SLC14A2: variants seen among roughly 807,000 people sequenced by gnomAD.
SLC14A2 encodes the protein solute carrier family 14 member 2, also known as urea transporter 2.
A neutral mutation model predicts 104.6 loss-of-function variants in SLC14A2; 91 were observed. The ratio of observed to expected loss-of-function variants is 0.87; its 90% CI spans 0.73 to 1.04. The LOEUF (loss-of-function observed/expected upper bound fraction) is 1.04. Among genes scored for constraint, SLC14A2 ranks in the 50% least tolerant of loss-of-function variants. SLC14A2 has a pLI of 0.00. For synonymous variants in SLC14A2, 476 were observed against 466.4 expected (o/e 1.02, Z -0.27); for missense variants, 1,189 against 1,156.0 (o/e 1.03, Z -0.41).
At chr18:45,263,879 A>G (rs958311869) in intron 1 of SLC14A2, among the ~76,000 whole-genome samples, 2 of 152,182 alleles carry the variant, frequency 1.3e-5, no homozygotes, top group Admixed American at 1.3e-4. Flanking sequence ...CAGGTCTCCA[A>G]GGACACCAAT....
the SLC14A2 span, among the ~76,000 whole-genome samples, chr18:45,189,795 G>C: frequency 6.6e-6 from 1 of 152,244 alleles, no homozygotes; most frequent in Admixed American, 6.5e-5. Context: ...ACCTTTGCTT[G>C]GGTGATAATG....
At position 45,379,672 on chromosome 18, in the gene SLC14A2, A is replaced by G. The variant is rs369268256; in HGVS notation, c.-124-103561A>G. ...TTTAATGAAGCCTAAGAGTACATCA[A>G]CTTTTATCAAAGCTGAATCACTGTT... On this transcript the variant is annotated intron_variant, in intron 1 of 20. Coordinates refer to the SLC14A2 transcript ENST00000586448. 8.5e-5 allele frequency among the ~76,000 whole-genome samples: 13 copies of G among 152,348 alleles called. No homozygotes were observed. In the South Asian group the frequency reaches 1.0e-3, roughly 12 times the overall value.
chr18:45,339,362 G>A (rs1272293776), intron 1 of SLC14A2, among the ~76,000 whole-genome samples: 1 of 152,184 alleles, frequency 6.6e-6, no homozygotes, highest in Non-Finnish European at 1.5e-5. Flanking sequence ...TCTAACATCT[G>A]TTATTCTAAT....
At chr18:45,451,767 T>G (rs537774237) in intron 1 of SLC14A2, among the ~76,000 whole-genome samples, 4 of 152,310 alleles carry the variant, frequency 2.6e-5, no homozygotes, top group African/African-American at 9.6e-5. Flanking sequence ...ACCAGATGAC[T>G]CCTAAATTCC....
rs535735429 is a variant in SLC14A2, at chr18:45,398,040, G to T, written c.-124-85193G>T. Among the ~76,000 whole-genome samples the T allele has an allele frequency of 2.6e-5, 4 of 152,164 alleles. No homozygotes were observed. The South Asian group carries it at 8.3e-4, about 32-fold the overall frequency. On this transcript the variant is annotated intron_variant, in intron 1 of 20. Transcript: ENST00000586448. ...AATATTTATTGAGGGACAACTATAA[G>T]CCAGGAATTTACACATATAATCTCA...
chr18:45,320,702 C>T (rs2085176496), intron 1 of SLC14A2, among the ~76,000 whole-genome samples: 1 of 152,170 alleles, frequency 6.6e-6, no homozygotes, highest in South Asian at 2.1e-4. Flanking sequence ...CAGCCACATT[C>T]CATTGCTTGC....
the SLC14A2 span, among the ~76,000 whole-genome samples, chr18:45,192,934 C>T: frequency 3.9e-5 from 6 of 152,032 alleles, no homozygotes; most frequent in Non-Finnish European, 5.9e-5. Flanking sequence ...GGATTATAGG[C>T]ATGAACCACC....
chr18:45,282,962 G>A (rs1451724426), intron 1 of SLC14A2, among the ~76,000 whole-genome samples: 2 of 152,196 alleles, frequency 1.3e-5, no homozygotes, highest in African/African-American at 4.8e-5. Context: ...CGTAGGGTGT[G>A]AAGACTAGAA....
At chr18:45,605,024 T>C (rs2044845767) in intron 2 of SLC14A2, among the ~76,000 whole-genome samples, 1 of 152,168 alleles carries the variant, frequency 6.6e-6, no homozygotes, top group Non-Finnish European at 1.5e-5. Context: ...TTCTGCACAA[T>C]GAGGCTTCCA....
intron 1 of SLC14A2, among the ~76,000 whole-genome samples, chr18:45,443,653 T>A (rs2086717885): frequency 6.6e-6 from 1 of 152,170 alleles, no homozygotes; most frequent in African/African-American, 2.4e-5. Context: ...GTTTCTGTGA[T>A]CTTCTGTAGG....
intron 1 of SLC14A2, among the ~76,000 whole-genome samples, chr18:45,405,523 T>C (rs2086144317): frequency 6.6e-6 from 1 of 152,220 alleles, no homozygotes; most frequent in Non-Finnish European, 1.5e-5. Context: ...TATTATACTA[T>C]ATTGTAGTCT....
rs116028165 is a variant in SLC14A2 at position 45,297,987 on chromosome 18, A to G, written c.-125+84796A>G. 2.8e-3 allele frequency among the ~76,000 whole-genome samples: 419 copies of G among 152,348 alleles called. 3 individuals are homozygous for G. Among genetic ancestry groups the G allele is most frequent in the African/African-American group, 9.7e-3 (402 of 41,588 alleles). ...AAGTTCACTTTAAAGACAAAGAGGC[A>G]TTTTAAACTTTATGCCTGTGTCTCC... On this transcript the variant is annotated intron_variant, in intron 1 of 20. Transcript: ENST00000586448.
chr18:45,627,381 G>A (rs1435201631), intron 4 of SLC14A2, among the ~76,000 whole-genome samples: 3 of 152,198 alleles, frequency 2.0e-5, no homozygotes, highest in African/African-American at 7.2e-5. Context: ...CTCAGAGGGA[G>A]GTGCAGAGGA....
chr18:45,626,323 G>A (rs1023523623), intron 3 of SLC14A2, among the ~76,000 whole-genome samples: 4 of 151,812 alleles, frequency 2.6e-5, no homozygotes, highest in South Asian at 2.1e-4. Flanking sequence ...TTAACTTCTC[G>A]AACTAAACAC....
chr18:45,672,339 G>A (rs1449037753), intron 16 of SLC14A2, among the ~76,000 whole-genome samples: 3 of 152,164 alleles, frequency 2.0e-5, no homozygotes, highest in Non-Finnish European at 4.4e-5. Flanking sequence ...AGACCAGCCT[G>A]ATCAACATGG....
At chr18:45,558,115 C>A (rs2044155912) in intron 2 of SLC14A2, among the ~76,000 whole-genome samples, 1 of 152,128 alleles carries the variant, frequency 6.6e-6, no homozygotes, top group Non-Finnish European at 1.5e-5. Context: ...TCCTATAGTC[C>A]CTCCTTTCCA....
intron 1 of SLC14A2, among the ~76,000 whole-genome samples, chr18:45,288,961 C>G (rs2084842559): frequency 6.6e-6 from 1 of 152,222 alleles, no homozygotes; most frequent in African/African-American, 2.4e-5. Context: ...CCCCACGGCT[C>G]TTTGCCTGCT....
chr18:45,401,862 G>A (rs776338383), intron 1 of SLC14A2, among the ~76,000 whole-genome samples: 9 of 152,058 alleles, frequency 5.9e-5, no homozygotes, highest in Non-Finnish European at 1.3e-4. Flanking sequence ...ATGAGGAAGA[G>A]GTATATGTCA....
chr18:45,536,842 T>C (rs1044394823), intron 2 of SLC14A2, among the ~76,000 whole-genome samples: 7 of 152,270 alleles, frequency 4.6e-5, no homozygotes, highest in African/African-American at 1.4e-4. Flanking sequence ...AGCAAATCAA[T>C]CAAAGACATT....
Sources: allele counts gnomAD v4.1 joint callset (sites outside exome capture counted in the v4.1 genomes callset), GRCh38; gene constraint gnomAD v4.1.1; transcripts MANE v1.5; gene names NCBI Gene and HGNC (gene_info 2026-07-23, HGNC 2026-07-21).